Variants in MICAL3 observed in about 807,000 individuals in gnomAD.
The protein encoded by MICAL3 is microtubule associated monooxygenase, calponin and LIM domain containing 3.
A neutral mutation model predicts 207.4 loss-of-function variants in MICAL3; 62 were observed. The ratio of observed to expected loss-of-function variants is 0.30; its 90% confidence interval spans 0.24 to 0.37. MICAL3 has a LOEUF of 0.37. Ranked by LOEUF, MICAL3 falls within the 10% of genes least tolerant of loss-of-function variation. The probability of loss-of-function intolerance (pLI) is 1.00; values close to 1 mark genes in which losing one functional copy is unlikely to be tolerated. For missense variants in MICAL3, 2,368 were observed against 2,635.6 expected (o/e 0.90, Z 2.22); for synonymous variants, 1,077 against 1,069.3 (o/e 1.01, Z -0.14).
chr22:17,841,715 G>T lies in MICAL3; in HGVS notation c.2801+107C>A. ...GGGGAGAATGGACTGCGGGCAGCAGGAAAGACAGGAGGCCTCCCTTCACTG... is the reference window on the plus strand; with the variant it reads ...GGGGAGAATGGACTGCGGGCAGCAGTAAAGACAGGAGGCCTCCCTTCACTG... On this transcript the variant is annotated intron_variant, in intron 20 of 31. Transcript: ENST00000441493. This position sits in a 1 kb window ranked among gnomAD's most constrained non-coding sequence, Gnocchi z 4.2. 8.5e-7 allele frequency: 1 copy of T among 1,177,128 alleles called. No homozygotes were observed. 72.9% of individuals were successfully genotyped at this position (1,177,128 alleles called of 1,614,324 possible).
intron 1 of MICAL3, among the ~76,000 whole-genome samples, chr22:17,918,406 T>G (rs1165185195): frequency 6.6e-6 from 1 of 152,122 alleles, no homozygotes; most frequent in Non-Finnish European, 1.5e-5. Flanking sequence ...AAAAAAAAAT[T>G]ACTTTCCAAG....
At chr22:17,804,106 T>C (rs1369944775) in intron 29 of MICAL3, among the ~76,000 whole-genome samples, 1 of 152,204 alleles carries the variant, frequency 6.6e-6, no homozygotes, top group Non-Finnish European at 1.5e-5. Context: ...TAAAACTCAC[T>C]GTGGGGAGTC....
At position 17,791,123 on chromosome 22, in the gene MICAL3, C is replaced by T. The variant is rs2061819892; in HGVS notation, c.5751-52G>A. 6 of 1,604,412 alleles carry T rather than the reference C, an allele frequency of 3.7e-6. No homozygotes were observed. The Admixed American group carries it at 1.0e-4, about 27-fold the overall frequency. On this transcript the variant is annotated intron_variant, in intron 30 of 31. Coordinates refer to ENST00000441493, the MANE Select transcript of MICAL3 (RefSeq NM_015241.3). ...AAGCCACAGTGACTGGGGACCACCC[C>T]TCACCCCCAAATCTGGAAGGACCTC...
intron 1 of MICAL3, among the ~76,000 whole-genome samples, chr22:18,013,446 G>A (rs1344683983): frequency 1.3e-5 from 2 of 152,204 alleles, no homozygotes; most frequent in Non-Finnish European, 2.9e-5. Flanking sequence ...ATGTGCCCAA[G>A]GTGGCACAGC....
chr22:17,986,465 A>G (rs1921023407), intron 1 of MICAL3, among the ~76,000 whole-genome samples: 1 of 151,960 alleles, frequency 6.6e-6, no homozygotes, highest in African/African-American at 2.4e-5. Context: ...GGCTGCAGTG[A>G]GCCAAGATGG....
chr22:17,873,262 G>A (rs1179552757), intron 16 of MICAL3, among the ~76,000 whole-genome samples: 1 of 152,252 alleles, frequency 6.6e-6, no homozygotes, highest in Admixed American at 6.5e-5. Flanking sequence ...GCACGCAGCA[G>A]TGCCCAGGCT....
At chr22:17,990,857 T>C (rs1921600485) in intron 1 of MICAL3, among the ~76,000 whole-genome samples, 1 of 152,196 alleles carries the variant, frequency 6.6e-6, no homozygotes, top group East Asian at 1.9e-4. Flanking sequence ...TTTTCCCATA[T>C]CCCAATATAA....
At chr22:17,807,134 A>G (rs139245197) in intron 29 of MICAL3, among the ~76,000 whole-genome samples, 110 of 152,380 alleles carry the variant, frequency 7.2e-4, no homozygotes, top group African/African-American at 2.5e-3. Context: ...ACTGCTTTCC[A>G]TCTTGGCAGA....
intron 1 of MICAL3, among the ~76,000 whole-genome samples, chr22:18,000,167 T>C (rs745542139): frequency 6.6e-6 from 1 of 151,716 alleles, no homozygotes; most frequent in Non-Finnish European, 1.5e-5. Context: ...AAGTGTCAGA[T>C]GGGACCAAAT....
rs571959636 is a variant in MICAL3, at chr22:17,945,063, A to G, written c.-74-38177T>C. Among the ~76,000 whole-genome samples, 3 of 151,288 alleles carry G rather than the reference A, an allele frequency of 2.0e-5. No individual in the cohort carries two copies. In the East Asian group the frequency reaches 5.8e-4, roughly 29 times the overall value. On this transcript the variant is annotated intron_variant, in intron 1 of 31. Transcript: ENST00000441493. ...CAGGTGTAAAATTAAGATCAAGCCA[A>G]TAAATATAGGGTCTAATACCTCAGG...
At chr22:18,014,186 G>A (rs1447775877) in intron 1 of MICAL3, among the ~76,000 whole-genome samples, 1 of 151,904 alleles carries the variant, frequency 6.6e-6, no homozygotes, top group East Asian at 1.9e-4. Flanking sequence ...AGAAAATTCA[G>A]ATGCCCTTAG....
At chr22:17,884,200 C>A in intron 16 of MICAL3, 2 of 1,011,332 alleles carry the variant, frequency 2.0e-6, no homozygotes, top group Non-Finnish European at 2.9e-6. Context: ...CAGGCCTGAA[C>A]CCTGGCTGGC....
chr22:17,858,366 ACTTGTGAGGCG>A, intron 19 of MICAL3: 1 of 568,282 alleles, frequency 1.8e-6, no homozygotes, highest in Non-Finnish European at 2.2e-6. Context: ...ACTTGCTGGC[ACTTGTGAGGCG>A]CTTGGCTGGG....
At chr22:17,876,995 G>A (rs1347553501) in intron 16 of MICAL3, 1 of 128,040 alleles carries the variant, frequency 7.8e-6, no homozygotes, top group East Asian at 2.5e-4. Flanking sequence ...AGGTTAGGGA[G>A]GTGAGGGAGG....
At chr22:17,994,795 G>A (rs1051344875) in intron 1 of MICAL3, among the ~76,000 whole-genome samples, 4 of 151,814 alleles carry the variant, frequency 2.6e-5, no homozygotes, top group Admixed American at 2.6e-4. Flanking sequence ...GGTTTATTTC[G>A]CCTTTACACA....
chr22:17,921,173 C>T (rs1253037816), intron 1 of MICAL3, among the ~76,000 whole-genome samples: 1 of 152,212 alleles, frequency 6.6e-6, no homozygotes, highest in Non-Finnish European at 1.5e-5. Flanking sequence ...CCACCTGTGA[C>T]AAAGGCATAT....
intron 1 of MICAL3, among the ~76,000 whole-genome samples, chr22:18,023,816 C>T (rs1235619219): frequency 6.6e-6 from 1 of 152,244 alleles, no homozygotes; most frequent in Non-Finnish European, 1.5e-5. Context: ...CGCAAAGCAG[C>T]CGCTGCTCCT....
intron 17 of MICAL3, among the ~76,000 whole-genome samples, chr22:17,867,571 C>T (rs1184483407): frequency 6.6e-6 from 1 of 152,236 alleles, no homozygotes; most frequent in Non-Finnish European, 1.5e-5. Context: ...AACCACGTGG[C>T]CTGACCTTCC....
intron 1 of MICAL3, among the ~76,000 whole-genome samples, chr22:17,921,017 G>A (rs576275429): frequency 1.8e-4 from 28 of 152,124 alleles, no homozygotes; most frequent in African/African-American, 6.3e-4. Flanking sequence ...TGACTCCCTC[G>A]CATTTTGCCC....
Sources: gnomAD v4.1 joint callset for allele counts (sites outside exome capture counted in the v4.1 genomes callset) on GRCh38, gnomAD v4.1.1 for gene constraint, Gnocchi (gnomAD v3.1) non-coding constraint, MANE v1.5 for transcripts, NCBI Gene and HGNC (gene_info 2026-07-23, HGNC 2026-07-21) for gene names.